FAF1: variants seen among roughly 807,000 people sequenced by gnomAD.
FAF1 encodes Fas associated factor 1, also known as FAS-associated factor 1.
Under a neutral mutation model 92.5 loss-of-function variants are expected in FAF1, and 25 were observed. The observed-to-expected ratio is 0.27, with a 90% CI of 0.20 to 0.38. FAF1 has a LOEUF of 0.38. FAF1 is among the 10% of genes least tolerant of loss of function. The pLI is 1.00. For missense variants in FAF1, 636 were observed against 793.3 expected, an observed-to-expected ratio of 0.80 and a Z score of 2.38; for synonymous variants, 234 against 273.2, an observed-to-expected ratio of 0.86 and a Z score of 1.42.
intron 17 of FAF1, among the ~76,000 whole-genome samples, chr1:50,484,898 T>C (rs567235266): frequency 1.5e-4 from 20 of 135,786 alleles, no homozygotes; most frequent in African/African-American, 4.5e-4. Flanking sequence ...AGGTGGGAAT[T>C]GAACAATGAG....
At chr1:50,714,122 T>C (rs1658072348) in intron 6 of FAF1, among the ~76,000 whole-genome samples, 2 of 152,010 alleles carry the variant, frequency 1.3e-5, no homozygotes, top group Admixed American at 1.3e-4. Context: ...ATGCAAGAAA[T>C]GGTTTTGACA....
chr1:50,708,024 G>A (rs1657761736), intron 6 of FAF1, among the ~76,000 whole-genome samples: 1 of 152,180 alleles, frequency 6.6e-6, no homozygotes. Context: ...TGGTCACACT[G>A]GTCTTGAACT....
At chr1:50,791,166 C>A (rs1661549425) in intron 3 of FAF1, among the ~76,000 whole-genome samples, 1 of 152,080 alleles carries the variant, frequency 6.6e-6, no homozygotes, top group Admixed American at 6.5e-5. Flanking sequence ...AACATGGGAA[C>A]CAAGAAAATG....
In FAF1 at chr1:50,440,598, T is replaced by C. The variant is rs949411041; in HGVS notation, c.*842A>G. 29 of 152,212 alleles carry C rather than the reference T, an allele frequency of 1.9e-4. 1 individual carries two copies. The highest frequency in any genetic ancestry group is 1.4e-3 in the Admixed American group (21 of 15,274). 9.4% of individuals were successfully genotyped at this position (152,212 alleles called of 1,614,324 possible). A position where few individuals can be genotyped will look rare whatever the true frequency, so the allele number is the denominator to read the frequency against. ...TAGAGAGAGAGAAAGCAAGAGAGAA[T>C]TGTGTTCAGTTTACACTGATGGACT... is the stretch of plus-strand genomic sequence containing the variant. On this transcript the variant is annotated 3_prime_UTR_variant, in exon 19 of 19. Coordinates refer to ENST00000396153, the MANE Select transcript of FAF1 (RefSeq NM_007051.3).
intron 8 of FAF1, among the ~76,000 whole-genome samples, chr1:50,652,716 A>G (rs143019991): frequency 1.3e-5 from 2 of 152,362 alleles, no homozygotes; most frequent in African/African-American, 4.8e-5. Flanking sequence ...AATTAGCTCT[A>G]TCCTCACTCA....
intron 5 of FAF1, among the ~76,000 whole-genome samples, chr1:50,741,091 C>T (rs1569865696): frequency 6.6e-6 from 1 of 152,110 alleles, no homozygotes; most frequent in African/African-American, 2.4e-5. Flanking sequence ...TTTAAATATA[C>T]GATGATGAAA....
At chr1:50,924,905 C>G in intron 1 of FAF1, among the ~76,000 whole-genome samples, 1 of 152,160 alleles carries the variant, frequency 6.6e-6, no homozygotes, top group African/African-American at 2.4e-5. Context: ...ATTACTTGAA[C>G]CCAGGAGGCG....
chr1:50,589,909 T>TC (rs1651422869), intron 9 of FAF1, among the ~76,000 whole-genome samples: 1 of 152,230 alleles, frequency 6.6e-6, no homozygotes, highest in African/African-American at 2.4e-5. Flanking sequence ...TATCCAGTTT[T>TC]CCCAGTACCG....
chr1:50,478,927 G>A (rs1468606439), intron 17 of FAF1, among the ~76,000 whole-genome samples: 1 of 152,126 alleles, frequency 6.6e-6, no homozygotes, highest in Non-Finnish European at 1.5e-5. Context: ...TGTACAACTT[G>A]ATAAAGTTTC....
chr1:50,528,470 A>G (rs538594642), intron 15 of FAF1, among the ~76,000 whole-genome samples: 2 of 152,346 alleles, frequency 1.3e-5, no homozygotes, highest in East Asian at 3.9e-4. Flanking sequence ...TCTAAGAAAC[A>G]CTGACACTAG....
chr1:50,681,987 C>T (rs1656447667), intron 7 of FAF1, among the ~76,000 whole-genome samples: 1 of 151,938 alleles, frequency 6.6e-6, no homozygotes, highest in Admixed American at 6.6e-5. Flanking sequence ...GCACGTACCA[C>T]CATGCCTGGC....
intron 2 of FAF1, among the ~76,000 whole-genome samples, chr1:50,840,595 A>G (rs2124643715): frequency 6.6e-6 from 1 of 152,160 alleles, no homozygotes; most frequent in Non-Finnish European, 1.5e-5. Context: ...ATCTAACTAT[A>G]TACTTTAGAT....
chr1:50,609,114 A>G (rs941872587), intron 8 of FAF1, among the ~76,000 whole-genome samples: 2 of 152,246 alleles, frequency 1.3e-5, no homozygotes, highest in African/African-American at 2.4e-5. Flanking sequence ...TCAAGACCTC[A>G]GCTGAGTGCT....
chr1:50,901,841 A>G (rs1259449824), intron 1 of FAF1, among the ~76,000 whole-genome samples: 1 of 152,102 alleles, frequency 6.6e-6, no homozygotes, highest in Non-Finnish European at 1.5e-5. Context: ...CTCCAACCTG[A>G]GCAACAGAGT....
At chr1:50,742,505 T>C (rs1037701260) in intron 5 of FAF1, among the ~76,000 whole-genome samples, 2 of 152,086 alleles carry the variant, frequency 1.3e-5, no homozygotes, top group African/African-American at 4.8e-5. Context: ...TGCCTCAGCC[T>C]CCTGAGCAGC....
intron 1 of FAF1, among the ~76,000 whole-genome samples, chr1:50,932,340 T>C (rs1321019517): frequency 1.3e-5 from 2 of 152,098 alleles, no homozygotes; most frequent in Admixed American, 6.6e-5. Flanking sequence ...ATTTCCCAGA[T>C]AAAATGAGGG....
rs1471050080 is a variant in FAF1 at position 50,630,826 on chromosome 1, A to ATTTTT, written c.744+24615_744+24616insAAAAA. On this transcript the variant is annotated intron_variant, in intron 8 of 18. Transcript: ENST00000396153. ...CCAGTTTACATATCTAGTGTATCATATCTTTTTTTTTTTTTTTTTTTTTTG... is the reference window on the plus strand; with the variant it reads ...CCAGTTTACATATCTAGTGTATCATATTTTTTCTTTTTTTTTTTTTTTTTTTTTTG... 3.8e-4 allele frequency among the ~76,000 whole-genome samples: 48 copies of ATTTTT among 125,334 alleles called. 1 individual carries two copies. Among genetic ancestry groups the ATTTTT allele is most frequent in the African/African-American group, 8.8e-4 (28 of 31,720 alleles). 82.2% of individuals were successfully genotyped at this position (125,334 alleles called of 152,430 possible). A position where few individuals can be genotyped will look rare whatever the true frequency, so the allele number is the denominator to read the frequency against.
intron 15 of FAF1, among the ~76,000 whole-genome samples, chr1:50,521,173 G>C (rs1441393115): frequency 6.6e-6 from 1 of 151,958 alleles, no homozygotes; most frequent in Non-Finnish European, 1.5e-5. Flanking sequence ...GCTTTTTATG[G>C]TGAGAACTCA....
chr1:50,868,760 T>A (rs951068287), intron 1 of FAF1, among the ~76,000 whole-genome samples: 1 of 152,210 alleles, frequency 6.6e-6, no homozygotes, highest in Non-Finnish European at 1.5e-5. Context: ...CCATTGTGGA[T>A]GGAGAACTTT....
Sources: gnomAD v4.1 joint callset for allele counts (sites outside exome capture counted in the v4.1 genomes callset) on GRCh38, gnomAD v4.1.1 for gene constraint, MANE v1.5 for transcripts, NCBI Gene and HGNC (gene_info 2026-07-23, HGNC 2026-07-21) for gene names.